Variants in CHIC1 observed in about 807,000 individuals in gnomAD.
The protein encoded by CHIC1 is cysteine rich hydrophobic domain 1.
In CHIC1, 7 loss-of-function variants were observed where a neutral mutation model predicts 18.5. The ratio of observed to expected loss-of-function variants is 0.38; its 90% CI spans 0.22 to 0.71. The LOEUF (loss-of-function observed/expected upper bound fraction) is 0.71. Ranked by LOEUF, CHIC1 falls within the 30% of genes least tolerant of loss-of-function variation. The pLI is 0.49. For synonymous variants in CHIC1, 77 were observed against 73.5 expected, an observed-to-expected ratio of 1.05 and a Z score of -0.25; for missense variants, 159 against 176.9, an observed-to-expected ratio of 0.90 and a Z score of 0.57.
intron 3 of CHIC1, among the ~76,000 whole-genome samples, chrX:73,672,113 G>T (rs1265806597): frequency 7.2e-5 from 8 of 111,566 alleles, no homozygotes; most frequent in Non-Finnish European, 1.5e-4. Context: ...ATTTTTTATG[G>T]CTGCATAGTA....
At chrX:73,570,627 CAG>C (rs769965846) in intron 1 of CHIC1, among the ~76,000 whole-genome samples, 3 of 110,900 alleles carry the variant, frequency 2.7e-5, no homozygotes, top group East Asian at 5.7e-4. Context: ...GATGTCCAAA[CAG>C]AAATTTTCAG....
intron 3 of CHIC1, among the ~76,000 whole-genome samples, chrX:73,639,199 C>A (rs1306507991): frequency 9.0e-6 from 1 of 111,357 alleles, no homozygotes; most frequent in African/African-American, 3.3e-5. Flanking sequence ...CATTTTTTGA[C>A]CTTTTAATAA....
At chrX:73,653,806 A>T (rs988094553) in intron 3 of CHIC1, among the ~76,000 whole-genome samples, 3 of 111,872 alleles carry the variant, frequency 2.7e-5, no homozygotes, top group Non-Finnish European at 3.8e-5. Context: ...TTCCTAAAAA[A>T]TTTTTTGTAT....
intron 2 of CHIC1, among the ~76,000 whole-genome samples, chrX:73,581,421 G>T (rs2057526684): frequency 9.0e-6 from 1 of 110,725 alleles, no homozygotes; most frequent in South Asian, 3.7e-4. Context: ...AACCTTCATT[G>T]CTAGAGACAC....
intron 3 of CHIC1, among the ~76,000 whole-genome samples, chrX:73,631,414 G>A (rs190116832): frequency 7.0e-4 from 77 of 109,821 alleles, no homozygotes; most frequent in Middle Eastern, 9.5e-3. Flanking sequence ...ATCACCTGAG[G>A]TTGGGTGTTC....
chrX:73,574,734 G>A (rs901324974), intron 1 of CHIC1, among the ~76,000 whole-genome samples: 4 of 110,314 alleles, frequency 3.6e-5, no homozygotes, highest in African/African-American at 1.3e-4. Flanking sequence ...ATAGTTATAC[G>A]AATATTTTTT....
chrX:73,590,765 C>A (rs973005382), intron 3 of CHIC1, among the ~76,000 whole-genome samples: 2 of 111,487 alleles, frequency 1.8e-5, no homozygotes, highest in African/African-American at 6.5e-5. Flanking sequence ...TTTAAGGTTC[C>A]TCCATGTCTT....
At chrX:73,568,545 C>T (rs1038155437) in intron 1 of CHIC1, among the ~76,000 whole-genome samples, 17 of 111,398 alleles carry the variant, frequency 1.5e-4, no homozygotes, top group African/African-American at 4.9e-4. Context: ...AACAGTATCA[C>T]ATTTCTTCTT....
chrX:73,654,362 C>T (rs2057931826), intron 3 of CHIC1, among the ~76,000 whole-genome samples: 1 of 111,660 alleles, frequency 9.0e-6, no homozygotes, highest in South Asian at 3.7e-4. Flanking sequence ...GTTGCGCTAT[C>T]CTTACATTCC....
chrX:73,675,467 T>C (rs1269545905), intron 3 of CHIC1, among the ~76,000 whole-genome samples: 1 of 112,162 alleles, frequency 8.9e-6, no homozygotes, highest in Non-Finnish European at 1.9e-5. Context: ...GTTGAATTGA[T>C]CCCTTTCCCA....
At chrX:73,610,495 C>T (rs1441193285) in intron 3 of CHIC1, among the ~76,000 whole-genome samples, 1 of 34,177 alleles carries the variant, frequency 2.9e-5, no homozygotes, top group Non-Finnish European at 6.1e-5. Flanking sequence ...GAGCTACAGA[C>T]TGCAGCTGTT....
intron 3 of CHIC1, among the ~76,000 whole-genome samples, chrX:73,630,650 T>C (rs755108212): frequency 2.3e-4 from 26 of 111,904 alleles, no homozygotes; most frequent in Non-Finnish European, 4.3e-4. Context: ...TGATATTGTG[T>C]TCAAGATTTT....
chrX:73,673,691 C>A (rs960280482), intron 3 of CHIC1, among the ~76,000 whole-genome samples: 3 of 112,041 alleles, frequency 2.7e-5, no homozygotes, highest in African/African-American at 9.7e-5. Context: ...ATGTCATCTG[C>A]AAACAGGGAC....
At chrX:73,653,351 TAA>T (rs2057927137) in intron 3 of CHIC1, among the ~76,000 whole-genome samples, 1 of 111,658 alleles carries the variant, frequency 9.0e-6, no homozygotes, top group African/African-American at 3.3e-5. Context: ...TTAAGTAAAA[TAA>T]CAAGAAAATC....
At chrX:73,571,555 G>T (rs1200083125) in intron 1 of CHIC1, among the ~76,000 whole-genome samples, 1 of 111,139 alleles carries the variant, frequency 9.0e-6, no homozygotes, top group African/African-American at 3.3e-5. Context: ...GATGAAGATT[G>T]CCGTAAAAAT....
intron 3 of CHIC1, among the ~76,000 whole-genome samples, chrX:73,599,751 A>T (rs1163939277): frequency 1.7e-4 from 18 of 107,486 alleles, no homozygotes; most frequent in African/African-American, 5.8e-4. Context: ...TAGTATAGTT[A>T]GAAGTCAGGT....
chrX:73,644,366 A>T (rs994977229), intron 3 of CHIC1, among the ~76,000 whole-genome samples: 2 of 112,366 alleles, frequency 1.8e-5, no homozygotes, highest in African/African-American at 6.5e-5. Context: ...GCCCGTTCTC[A>T]GATCTCCAGC....
intron 3 of CHIC1, among the ~76,000 whole-genome samples, chrX:73,674,021 C>T (rs756145305): frequency 8.9e-6 from 1 of 111,904 alleles, no homozygotes; most frequent in South Asian, 3.8e-4. Context: ...TAGTTTTTGT[C>T]TTTTGTTCTG....
intron 5 of CHIC1, among the ~76,000 whole-genome samples, chrX:73,680,059 A>G (rs1051755559): frequency 3.1e-4 from 34 of 109,573 alleles, no homozygotes; most frequent in Non-Finnish European, 5.1e-4. Context: ...CTTGCATAAA[A>G]TAGGAGTTGA....
Sources: allele counts gnomAD v4.1 joint callset (sites outside exome capture counted in the v4.1 genomes callset), GRCh38; gene constraint gnomAD v4.1.1; transcripts MANE v1.5; gene names NCBI Gene and HGNC (gene_info 2026-07-23, HGNC 2026-07-21).